Variants in TMEM245 observed in about 807,000 individuals in gnomAD.
The protein encoded by TMEM245 is transmembrane protein 245, also known as protein CG-2.
TMEM245 carries 69 observed loss-of-function variants against 101.2 expected under a neutral mutation model. That is an observed-to-expected ratio of 0.68 (90% CI 0.56 to 0.83). The LOEUF (loss-of-function observed/expected upper bound fraction) is 0.83. TMEM245 is among the 40% of genes least tolerant of loss of function. The probability of loss-of-function intolerance (pLI) is 0.00; values close to 1 mark genes in which losing one functional copy is unlikely to be tolerated. For synonymous variants in TMEM245, 537 were observed against 449.8 expected (o/e 1.19, Z -2.45); for missense variants, 1,075 against 1,092.8 (o/e 0.98, Z 0.23).
Position 109,019,397 on chromosome 9 carries a change from T to C in TMEM245, c.*1063A>G, listed in dbSNP as rs1396966343. 1 of 152,220 alleles carries C rather than the reference T, an allele frequency of 6.6e-6. No homozygotes were observed. The highest frequency in any genetic ancestry group is 1.5e-5 in the Non-Finnish European group (1 of 68,040). The allele number at this position is 152,220 out of a possible 1,614,324, so 9.4% of individuals were successfully genotyped here. ...TGATGTAAAATAATATAAAGCTATA[T>C]GAAAGCTGATGTGATGTACTTGTGA... On this transcript the variant is annotated 3_prime_UTR_variant, in exon 18 of 18. Transcript: ENST00000374586.
At chr9:109,090,795 T>G (rs1009754972) in intron 5 of TMEM245, 127 bp downstream of exon 5, 10 of 779,338 alleles carry the variant, frequency 1.3e-5, no homozygotes, top group Non-Finnish European at 2.0e-5. Context: ...ACTATTTAAA[T>G]GCAAACATAA....
Position 109,042,361 on chromosome 9 carries a change from T to C in TMEM245, c.2124-4244A>G, listed in dbSNP as rs527419911. 13 of 152,302 alleles carry C rather than the reference T, an allele frequency of 8.5e-5. 1 individual carries two copies. Among genetic ancestry groups the C allele is most frequent in the African/African-American group, 2.7e-4 (11 of 41,500 alleles). The allele number at this position is 152,302 out of a possible 1,614,324, so 9.4% of individuals were successfully genotyped here. A position where few individuals can be genotyped will look rare whatever the true frequency, so the allele number is the denominator to read the frequency against. On this transcript the variant is annotated intron_variant, in intron 14 of 17. Coordinates refer to ENST00000374586, the MANE Select transcript of TMEM245 (RefSeq NM_032012.4). ...GGAGGATTTAAAGGAGAATCTGTTT[T>C]CTCTTCTTTTTTAGTAGTTTTTTTT...
chr9:109,108,210 T>C (rs1205506835), intron 2 of TMEM245, among the ~76,000 whole-genome samples: 15 of 152,170 alleles, frequency 9.9e-5, no homozygotes, highest in Non-Finnish European at 1.2e-4. Context: ...AAGGGTGCTC[T>C]ACTTTTTAAG....
chr9:109,049,493 T>A (rs1588033759), intron 14 of TMEM245, among the ~76,000 whole-genome samples: 1 of 152,080 alleles, frequency 6.6e-6, no homozygotes, highest in Non-Finnish European at 1.5e-5. Context: ...GGATTACAGG[T>A]GTGAGCCACC....
At chr9:109,117,073 C>T (rs569950064) in intron 1 of TMEM245, among the ~76,000 whole-genome samples, 1 of 152,060 alleles carries the variant, frequency 6.6e-6, no homozygotes, top group African/African-American at 2.4e-5. Flanking sequence ...TTTTTCCTTG[C>T]TCCCAACACT....
chr9:109,041,942 G>C (rs1470372775), intron 14 of TMEM245, among the ~76,000 whole-genome samples: 2 of 151,988 alleles, frequency 1.3e-5, no homozygotes, highest in Non-Finnish European at 2.9e-5. Context: ...ACCAACCTGG[G>C]CAACAGGGAA....
intron 10 of TMEM245, among the ~76,000 whole-genome samples, chr9:109,062,471 T>C (rs561913095): frequency 5.0e-4 from 76 of 152,356 alleles, no homozygotes; most frequent in African/African-American, 1.8e-3. Context: ...AGCCATTATT[T>C]ATTATTTTCT....
At chr9:109,102,181 T>C (rs192895690) in intron 3 of TMEM245, among the ~76,000 whole-genome samples, 1 of 152,230 alleles carries the variant, frequency 6.6e-6, no homozygotes, top group Non-Finnish European at 1.5e-5. Flanking sequence ...TAGTCAGATA[T>C]ATAACCACAG....
intron 17 of TMEM245, among the ~76,000 whole-genome samples, chr9:109,030,302 T>C (rs1323746065): frequency 6.6e-6 from 1 of 151,910 alleles, no homozygotes; most frequent in African/African-American, 2.4e-5. Flanking sequence ...TTTAAACTCA[T>C]GCATGAGTAA....
intron 17 of TMEM245, among the ~76,000 whole-genome samples, chr9:109,028,069 T>C (rs1202377351): frequency 1.3e-5 from 2 of 152,180 alleles, no homozygotes; most frequent in African/African-American, 2.4e-5. Context: ...GTCCCTTATC[T>C]GAAATGCTTG....
At chr9:109,057,674 C>T (rs1401004474) in intron 11 of TMEM245, among the ~76,000 whole-genome samples, 1 of 152,046 alleles carries the variant, frequency 6.6e-6, no homozygotes, top group African/African-American at 2.4e-5. Context: ...TTGCTTGAAT[C>T]CAGGAGGCGG....
intron 1 of TMEM245, among the ~76,000 whole-genome samples, chr9:109,110,026 A>C (rs1174327771): frequency 6.6e-6 from 1 of 152,152 alleles, no homozygotes; most frequent in Non-Finnish European, 1.5e-5. Context: ...CTTTTATAAT[A>C]AAAAGGACAT....
intron 4 of TMEM245, among the ~76,000 whole-genome samples, chr9:109,093,242 GAACA>G (rs748988791): frequency 6.6e-6 from 1 of 151,840 alleles, no homozygotes; most frequent in Non-Finnish European, 1.5e-5. Context: ...AAAAAGGAAA[GAACA>G]AAGAACCAAG....
Position 109,015,158 on chromosome 9 carries a change from C to T in TMEM245, c.*5302G>A, listed in dbSNP as rs1370677292. 6.6e-6 allele frequency: 1 copy of T among 152,102 alleles called. No homozygotes were observed. Among genetic ancestry groups the T allele is most frequent in the African/African-American group, 2.4e-5 (1 of 41,362 alleles). The allele number at this position is 152,102 out of a possible 1,614,324, so 9.4% of individuals were successfully genotyped here. On this transcript the variant is annotated 3_prime_UTR_variant, in exon 18 of 18. Coordinates refer to ENST00000374586, the MANE Select transcript of TMEM245 (RefSeq NM_032012.4). Reference sequence around the variant, plus strand: ...GATTAAGTTTACCACATGATTCATTCAACACTAGTAATTTTATTTCAAAAT... The same window carrying T: ...GATTAAGTTTACCACATGATTCATTTAACACTAGTAATTTTATTTCAAAAT...
At chr9:109,090,878 A>G (rs772316500) in intron 5 of TMEM245, 44 bp downstream of exon 5, 1 of 1,549,310 alleles carries the variant, frequency 6.5e-7, no homozygotes. Context: ...GAAAAAAATC[A>G]ATCTTCAAAG....
At chr9:109,106,080 A>G (rs1333903379) in intron 3 of TMEM245, among the ~76,000 whole-genome samples, 1 of 152,086 alleles carries the variant, frequency 6.6e-6, no homozygotes, top group African/African-American at 2.4e-5. Flanking sequence ...CCTGTAGGCC[A>G]TTTTTACGTG....
intron 3 of TMEM245, among the ~76,000 whole-genome samples, chr9:109,098,033 A>G (rs1054299408): frequency 6.6e-6 from 1 of 152,238 alleles, no homozygotes; most frequent in Non-Finnish European, 1.5e-5. Flanking sequence ...ATAAACTAGA[A>G]GCAGAAGCCA....
intron 14 of TMEM245, among the ~76,000 whole-genome samples, chr9:109,042,839 A>ATTTTTTTTT (rs754295748): frequency 4.3e-5 from 5 of 115,534 alleles, no homozygotes; most frequent in East Asian, 2.9e-4. Context: ...ATAGCTGACA[A>ATTTTTTTTT]TTTTTTTTTT....
At chr9:109,071,516 A>G (rs545111278) in intron 9 of TMEM245, among the ~76,000 whole-genome samples, 17 of 151,920 alleles carry the variant, frequency 1.1e-4, no homozygotes, top group African/African-American at 3.9e-4. Context: ...AAGTGGGAGG[A>G]ATGATTGAGC....
Sources: allele counts gnomAD v4.1 joint callset (sites outside exome capture counted in the v4.1 genomes callset), GRCh38; gene constraint gnomAD v4.1.1; transcripts MANE v1.5; gene names NCBI Gene and HGNC (gene_info 2026-07-23, HGNC 2026-07-21).